The following KHDRBS2 variants were observed in gnomAD, a reference collection of about 807,000 sequenced individuals.
KHDRBS2 encodes KH domain-containing, RNA-binding, signal transduction-associated protein 2.
KHDRBS2 carries 26 observed loss-of-function variants against 44.3 expected under a neutral mutation model. That is an observed-to-expected ratio of 0.59 (90% CI 0.43 to 0.81). The LOEUF (loss-of-function observed/expected upper bound fraction) is 0.81, where lower values mean the gene tolerates loss of function less well. KHDRBS2 is among the 40% of genes least tolerant of loss of function. The probability of loss-of-function intolerance (pLI) is 0.00; values close to 1 mark genes in which losing one functional copy is unlikely to be tolerated. For synonymous variants in KHDRBS2, 194 were observed against 151.1 expected (o/e 1.28, Z -2.08); for missense variants, 476 against 433.1 (o/e 1.10, Z -0.88).
At chr6:61,995,159 A>C (rs1308442772) in intron 3 of KHDRBS2, among the ~76,000 whole-genome samples, 2 of 152,146 alleles carry the variant, frequency 1.3e-5, no homozygotes, top group East Asian at 3.9e-4. Flanking sequence ...GGGTATCTAT[A>C]TGTTGCTTAT....
At position 61,945,150 on chromosome 6, in the gene KHDRBS2, T is replaced by TATATATATATAC. The variant is rs371595813; in HGVS notation, c.483+32915_483+32916insGTATATATATAT. Reference sequence around the variant, plus strand: ...ATATATATATATATATATATATATATACACACAGACTTGTCTTGATAAAGT... The same window carrying TATATATATATAC: ...ATATATATATATATATATATATATATATATATATATACACACACAGACTTGTCTTGATAAAGT... On this transcript the variant is annotated intron_variant, in intron 4 of 8. Transcript: ENST00000281156. Among the ~76,000 whole-genome samples, 42 of 86,990 alleles carry TATATATATATAC rather than the reference T, an allele frequency of 4.8e-4. 1 individual carries two copies. Among genetic ancestry groups the TATATATATATAC allele is most frequent in the Non-Finnish European group, 7.1e-4 (31 of 43,550 alleles). The allele number at this position is 86,990 out of a possible 152,430, so 57.1% of individuals were successfully genotyped here.
At chr6:61,674,412 A>C in the KHDRBS2 span, among the ~76,000 whole-genome samples, 1 of 151,736 alleles carries the variant, frequency 6.6e-6, no homozygotes, top group Non-Finnish European at 1.5e-5. Context: ...ACTTTGTTTT[A>C]AATTTTGGCT....
At chr6:61,763,488 TG>T (rs1477843227) in intron 6 of KHDRBS2, among the ~76,000 whole-genome samples, 1 of 152,170 alleles carries the variant, frequency 6.6e-6, no homozygotes, top group Non-Finnish European at 1.5e-5. Flanking sequence ...GACTTTGTGC[TG>T]AGCAGCAGTA....
At chr6:61,773,168 G>C (rs987351117) in intron 6 of KHDRBS2, among the ~76,000 whole-genome samples, 1 of 151,796 alleles carries the variant, frequency 6.6e-6, no homozygotes, top group Non-Finnish European at 1.5e-5. Flanking sequence ...TAATGGGATG[G>C]CTGGGTCAAA....
chr6:61,854,134 A>G (rs1204515690), intron 6 of KHDRBS2, among the ~76,000 whole-genome samples: 1 of 101,500 alleles, frequency 9.9e-6, no homozygotes, highest in Non-Finnish European at 2.2e-5. Context: ...AATTCTGAAA[A>G]TTTTGAAAAA....
chr6:61,718,741 C>G (rs760680313), intron 7 of KHDRBS2, among the ~76,000 whole-genome samples: 15 of 152,090 alleles, frequency 9.9e-5, no homozygotes, highest in Non-Finnish European at 2.2e-4. Flanking sequence ...ACAGCTTTCT[C>G]TGTTTCCCTT....
chr6:61,855,364 T>C (rs1262802582), intron 6 of KHDRBS2, among the ~76,000 whole-genome samples: 1 of 152,048 alleles, frequency 6.6e-6, no homozygotes, highest in African/African-American at 2.4e-5. Context: ...TGACCATTAC[T>C]AGTTGTTTTA....
chr6:62,041,839 T>A (rs1786602867), intron 3 of KHDRBS2, among the ~76,000 whole-genome samples: 1 of 152,070 alleles, frequency 6.6e-6, no homozygotes. Context: ...CCATATCCTG[T>A]TATTGAAGCT....
intron 2 of KHDRBS2, among the ~76,000 whole-genome samples, chr6:62,062,081 T>C (rs898937692): frequency 1.3e-5 from 2 of 150,652 alleles, no homozygotes; most frequent in Non-Finnish European, 3.0e-5. Flanking sequence ...GAGCTAACTA[T>C]CCTAAATATA....
intron 1 of KHDRBS2, among the ~76,000 whole-genome samples, chr6:62,236,806 A>G (rs1347166894): frequency 1.3e-5 from 2 of 152,214 alleles, no homozygotes; most frequent in Non-Finnish European, 2.9e-5. Flanking sequence ...GATGCTAAAC[A>G]TGTGCTTGGC....
At chr6:61,952,758 T>C (rs9345811) in intron 4 of KHDRBS2, among the ~76,000 whole-genome samples, 1 of 151,956 alleles carries the variant, frequency 6.6e-6, no homozygotes, top group South Asian at 2.1e-4. Flanking sequence ...ATTACACATG[T>C]TCTCAAAATG....
At chr6:62,159,664 C>G (rs1817212704) in intron 2 of KHDRBS2, among the ~76,000 whole-genome samples, 1 of 152,090 alleles carries the variant, frequency 6.6e-6, no homozygotes, top group Admixed American at 6.6e-5. Context: ...TACTAATAGC[C>G]TACTGTTGAC....
chr6:62,236,590 A>G (rs1228569514), intron 1 of KHDRBS2, among the ~76,000 whole-genome samples: 2 of 152,146 alleles, frequency 1.3e-5, no homozygotes, highest in Admixed American at 6.6e-5. Context: ...TGTAAATATG[A>G]GTTCTAACAC....
At chr6:61,851,262 TA>T in intron 6 of KHDRBS2, among the ~76,000 whole-genome samples, 1 of 27,934 alleles carries the variant, frequency 3.6e-5, no homozygotes, top group East Asian at 8.2e-4. Flanking sequence ...TATATAGGTG[TA>T]TATATATATG....
At chr6:61,801,941 T>C (rs1192172143) in intron 6 of KHDRBS2, among the ~76,000 whole-genome samples, 4 of 152,178 alleles carry the variant, frequency 2.6e-5, no homozygotes, top group Non-Finnish European at 5.9e-5. Flanking sequence ...GAACTGATCA[T>C]ATGAATCCTT....
intron 2 of KHDRBS2, among the ~76,000 whole-genome samples, chr6:62,167,803 G>A (rs1173116896): frequency 6.6e-6 from 1 of 152,166 alleles, no homozygotes; most frequent in Non-Finnish European, 1.5e-5. Flanking sequence ...AAATAGACAT[G>A]TTTCCAAGAT....
chr6:61,801,600 G>A lies in KHDRBS2; in HGVS notation c.811-68836C>T, dbSNP rs137969501. Reference sequence around the variant, plus strand: ...TGCATTTCAGCCAAAGCAGACTGAAGGTGCCGCTGCTCCCTATCTTCTATT... The same window carrying A: ...TGCATTTCAGCCAAAGCAGACTGAAAGTGCCGCTGCTCCCTATCTTCTATT... On this transcript the variant is annotated intron_variant, in intron 6 of 8. Coordinates refer to ENST00000281156, the MANE Select transcript of KHDRBS2 (RefSeq NM_152688.4). Among the ~76,000 whole-genome samples, 554 of 152,190 alleles carry A rather than the reference G, an allele frequency of 3.6e-3. 3 individuals carry two copies. Among genetic ancestry groups the A allele is most frequent in the African/African-American group, 0.013 (521 of 41,540 alleles).
At chr6:61,975,220 A>G (rs1772323139) in intron 4 of KHDRBS2, among the ~76,000 whole-genome samples, 1 of 152,170 alleles carries the variant, frequency 6.6e-6, no homozygotes, top group Non-Finnish European at 1.5e-5. Flanking sequence ...AAGAGGTAGA[A>G]GAAGGTAAAA....
At chr6:61,564,047 T>A in the KHDRBS2 span, among the ~76,000 whole-genome samples, 1 of 152,126 alleles carries the variant, frequency 6.6e-6, no homozygotes, top group Admixed American at 6.6e-5. Flanking sequence ...TGTGTATCTC[T>A]GTGATTACTG....
Sources: allele counts gnomAD v4.1 joint callset (sites outside exome capture counted in the v4.1 genomes callset), GRCh38; gene constraint gnomAD v4.1.1; transcripts MANE v1.5; gene names NCBI Gene and HGNC (gene_info 2026-07-23, HGNC 2026-07-21).